CFTR: variants seen among roughly 807,000 people sequenced by gnomAD.
The protein encoded by CFTR is cystic fibrosis transmembrane conductance regulator.
In CFTR, 181 loss-of-function variants were observed where a neutral mutation model predicts 171.6. The observed-to-expected ratio is 1.05, with a 90% confidence interval of 0.93 to 1.19. CFTR has a LOEUF of 1.19. CFTR is among the 50% of genes most tolerant of loss of function. CFTR has a pLI of 0.00. For synonymous variants in CFTR, 583 were observed against 608.0 expected, an observed-to-expected ratio of 0.96 and a Z score of 0.60; for missense variants, 1,968 against 1,734.7, an observed-to-expected ratio of 1.13 and a Z score of -2.39.
intron 14 of CFTR, 113 bp from the exon 15 acceptor site, chr7:117,594,817 A>ATAGAATGACATCATACATGG: frequency 1.1e-6 from 1 of 940,204 alleles, no homozygotes; most frequent in Non-Finnish European, 1.6e-6. Flanking sequence ...TTGTTAAAAT[A>ATAGAATGACATCATACATGG]CACTTAGATT....
At chr7:117,492,380 A>T (rs1056730638) in intron 1 of CFTR, among the ~76,000 whole-genome samples, 10 of 151,864 alleles carry the variant, frequency 6.6e-5, no homozygotes, top group African/African-American at 2.4e-4. Flanking sequence ...AATATATTTG[A>T]CCAAGAGTAA....
intron 3 of CFTR, among the ~76,000 whole-genome samples, chr7:117,517,011 C>T (rs989639312): frequency 6.6e-6 from 1 of 151,826 alleles, no homozygotes; most frequent in Non-Finnish European, 1.5e-5. Flanking sequence ...GCAGAATGTG[C>T]AGGTTTGTTA....
intron 11 of CFTR, among the ~76,000 whole-genome samples, chr7:117,583,534 A>G (rs142548399): frequency 0.015 from 2,336 of 152,222 alleles, 50 homozygotes; most frequent in Non-Finnish European, 0.016. Context: ...ATAGTATTCC[A>G]TAGTGTATAT....
chr7:117,539,042 C>G (rs988609603), intron 7 of CFTR, among the ~76,000 whole-genome samples: 1 of 152,138 alleles, frequency 6.6e-6, no homozygotes, highest in Non-Finnish European at 1.5e-5. Flanking sequence ...ATGCCAGGTA[C>G]CCACATGCAC....
At chr7:117,612,120 T>C (rs1027668163) in intron 20 of CFTR, among the ~76,000 whole-genome samples, 1 of 128,346 alleles carries the variant, frequency 7.8e-6, no homozygotes, top group African/African-American at 3.0e-5. Flanking sequence ...GATTGTCAGA[T>C]AGCAATTCTG....
intron 22 of CFTR, among the ~76,000 whole-genome samples, chr7:117,637,345 G>A (rs751827900): frequency 6.6e-6 from 1 of 152,054 alleles, no homozygotes; most frequent in Non-Finnish European, 1.5e-5. Context: ...TGTAGCAGAG[G>A]GTGAGGGAAG....
chr7:117,530,961 T>G lies in CFTR; in HGVS notation c.336T>G (p.Asp112Glu). The change falls in exon 4 of 27, where the codon GAT (aspartate) becomes GAG (glutamate). Residue 112 changes from aspartate to glutamate, a missense_variant. By Grantham distance (45) the Asp-to-Glu change is conservative (BLOSUM62 2). Coordinates refer to ENST00000003084, the MANE Select transcript of CFTR (RefSeq NM_000492.4). ...LGRIIASYDP[D>E]NKEERSIAIY... ...GAATCATAGCTTCCTATGACCCGGA[T>G]AACAAGGAGGAACGCTCTATCGCGA... 1 of 1,613,716 alleles carries G rather than the reference T, an allele frequency of 6.2e-7. No individual in the cohort carries two copies. The highest frequency in any genetic ancestry group is 2.2e-5 in the East Asian group (1 of 44,886).
intron 7 of CFTR, among the ~76,000 whole-genome samples, chr7:117,539,407 A>G (rs1584788831): frequency 6.6e-6 from 1 of 152,144 alleles, no homozygotes; most frequent in South Asian, 2.1e-4. Flanking sequence ...ACTTGAATTA[A>G]AAGAACCACT....
intron 20 of CFTR, among the ~76,000 whole-genome samples, chr7:117,612,173 T>C (rs1277114499): frequency 6.7e-6 from 1 of 149,548 alleles, no homozygotes; most frequent in African/African-American, 2.5e-5. Context: ...CTCATATTGG[T>C]GAAGGGTCCT....
intron 24 of CFTR, among the ~76,000 whole-genome samples, chr7:117,658,815 A>T (rs1793220796): frequency 6.6e-6 from 1 of 152,028 alleles, no homozygotes; most frequent in Non-Finnish European, 1.5e-5. Context: ...CACTTGCACA[A>T]ATTTCTGAGG....
At chr7:117,609,336 A>G (rs942633652) in intron 18 of CFTR, among the ~76,000 whole-genome samples, 1 of 152,170 alleles carries the variant, frequency 6.6e-6, no homozygotes, top group Non-Finnish European at 1.5e-5. Context: ...AAACCTGATA[A>G]TGGTCCCTTT....
At chr7:117,505,606 T>A (rs1043097814) in intron 2 of CFTR, among the ~76,000 whole-genome samples, 3 of 152,092 alleles carry the variant, frequency 2.0e-5, no homozygotes, top group Non-Finnish European at 4.4e-5. Context: ...ATGTGAAAAA[T>A]CCCAGAGACT....
At chr7:117,507,142 T>G (rs1422948244) in intron 2 of CFTR, among the ~76,000 whole-genome samples, 8 of 152,212 alleles carry the variant, frequency 5.3e-5, no homozygotes, top group Admixed American at 2.6e-4. Flanking sequence ...CCTTCTGATC[T>G]GGGCCTGGTA....
intron 1 of CFTR, among the ~76,000 whole-genome samples, chr7:117,501,777 A>AAAAC (rs1491305473): frequency 7.4e-6 from 1 of 135,744 alleles, no homozygotes; most frequent in Non-Finnish European, 1.6e-5. Context: ...AAAAAGAAAC[A>AAAAC]AAAAAAAAAA....
At chr7:117,533,543 A>G (rs1158516278) in intron 4 of CFTR, among the ~76,000 whole-genome samples, 6 of 152,144 alleles carry the variant, frequency 3.9e-5, no homozygotes, top group African/African-American at 1.4e-4. Flanking sequence ...ATGCTCAACA[A>G]ATATGTGAGG....
intron 6 of CFTR, among the ~76,000 whole-genome samples, chr7:117,536,305 A>G (rs1798954366): frequency 1.3e-5 from 2 of 152,114 alleles, no homozygotes. Context: ...AGAGATACCC[A>G]CCGCTCATAG....
chr7:117,536,533 T>C lies in CFTR; in HGVS notation c.744-15T>C, dbSNP rs369149477. ...ACTATTAGATTGATTGATTGATTGA[T>C]TGATTGATTTACAGAGATCAGAGAG... On this transcript the variant is annotated splice_polypyrimidine_tract_variant and intron_variant, in intron 6 of 26. Coordinates refer to ENST00000003084, the MANE Select transcript of CFTR (RefSeq NM_000492.4). 11 of 1,568,252 alleles carry C rather than the reference T, an allele frequency of 7.0e-6. No homozygotes were observed. Among genetic ancestry groups the C allele is most frequent in the South Asian group, 2.3e-5 (2 of 86,914 alleles).
chr7:117,603,632 G>T lies in CFTR; in HGVS notation c.2758G>T (p.Val920Leu), dbSNP rs373885282. The change falls in exon 17 of 27, where the codon GTG becomes TTG. Residue 920 changes from valine to leucine, a missense_variant. Physicochemically the swap from Val to Leu is conservative, Grantham distance 32. Transcript: ENST00000003084. ...TTCGTATTATGTGTTTTACATTTAC[G>T]TGGGAGTAGCCGACACTTTGCTTGC... ...TSSYYVFYIY[V>L]GVADTLLAMG... The T allele has an allele frequency of 1.7e-5, 27 of 1,613,920 alleles. No individual in the cohort carries two copies. Among genetic ancestry groups the T allele is most frequent in the Admixed American group, 3.3e-5 (2 of 59,966 alleles).
intron 26 of CFTR, among the ~76,000 whole-genome samples, chr7:117,666,076 T>C (rs185359897): frequency 7.9e-5 from 12 of 152,286 alleles, no homozygotes; most frequent in Admixed American, 7.2e-4. Context: ...AACTGTCACA[T>C]GGCCAGGCAC....
Sources: allele counts gnomAD v4.1 joint callset (sites outside exome capture counted in the v4.1 genomes callset), GRCh38; gene constraint gnomAD v4.1.1; transcripts MANE v1.5; gene names NCBI Gene and HGNC (gene_info 2026-07-23, HGNC 2026-07-21).